SNTG1: variants seen among roughly 807,000 people sequenced by gnomAD.
The protein encoded by SNTG1 is syntrophin gamma 1.
In SNTG1, 39 loss-of-function variants were observed where a neutral mutation model predicts 74.7. That is an observed-to-expected ratio of 0.52 (90% CI 0.40 to 0.68). SNTG1 has a LOEUF of 0.68. Among genes scored for constraint, SNTG1 ranks in the 30% least tolerant of loss-of-function variants. SNTG1 has a pLI of 0.00. For synonymous variants in SNTG1, 254 were observed against 217.1 expected, an observed-to-expected ratio of 1.17 and a Z score of -1.49; for missense variants, 685 against 609.5, an observed-to-expected ratio of 1.12 and a Z score of -1.30.
At chr8:50,029,892 G>T (rs956600288) in intron 1 of SNTG1, among the ~76,000 whole-genome samples, 1 of 151,984 alleles carries the variant, frequency 6.6e-6, no homozygotes, top group Non-Finnish European at 1.5e-5. Flanking sequence ...TCATATGGTA[G>T]TTCTATGTTC....
At chr8:50,115,576 A>AAAAAAAAAAAAAAAAAAAAAAAAAAAC (rs1482375164) in intron 1 of SNTG1, among the ~76,000 whole-genome samples, 13 of 82,902 alleles carry the variant, frequency 1.6e-4, no homozygotes, top group Non-Finnish European at 2.4e-4. Flanking sequence ...TCAAAAAAAA[A>AAAAAAAAAAAAAAAAAAAAAAAAAAAC]AAAAAAAAAA....
intron 2 of SNTG1, among the ~76,000 whole-genome samples, chr8:50,349,698 G>T (rs1272045813): frequency 2.0e-5 from 3 of 152,130 alleles, no homozygotes; most frequent in Non-Finnish European, 4.4e-5. Context: ...TGATGCTATG[G>T]GATTCTTTCA....
chr8:50,193,118 CT>C (rs1468519620), intron 2 of SNTG1, among the ~76,000 whole-genome samples: 1 of 151,832 alleles, frequency 6.6e-6, no homozygotes, highest in Non-Finnish European at 1.5e-5. Context: ...GCTTAGTCTG[CT>C]TTGGCTGTGT....
At chr8:50,455,920 A>G (rs935320671) in intron 8 of SNTG1, among the ~76,000 whole-genome samples, 2 of 152,154 alleles carry the variant, frequency 1.3e-5, no homozygotes, top group Non-Finnish European at 2.9e-5. Context: ...AAGAATTCTA[A>G]CCATACTGGA....
intron 2 of SNTG1, among the ~76,000 whole-genome samples, chr8:50,389,787 A>G (rs2092628714): frequency 6.6e-6 from 1 of 152,164 alleles, no homozygotes; most frequent in Non-Finnish European, 1.5e-5. Flanking sequence ...TAACTGGTTC[A>G]AGATGATATC....
chr8:50,413,174 A>G (rs1255637754), intron 4 of SNTG1, among the ~76,000 whole-genome samples: 1 of 152,220 alleles, frequency 6.6e-6, no homozygotes, highest in Non-Finnish European at 1.5e-5. Flanking sequence ...ATAACATTAA[A>G]TGTGAGTGTA....
chr8:50,370,864 G>T (rs1029289793), intron 2 of SNTG1, among the ~76,000 whole-genome samples: 1 of 152,100 alleles, frequency 6.6e-6, no homozygotes, highest in Admixed American at 6.5e-5. Context: ...TGGATACTAA[G>T]AGTATGGATT....
chr8:50,790,188 C>A (rs1456288826), intron 18 of SNTG1, among the ~76,000 whole-genome samples: 1 of 151,814 alleles, frequency 6.6e-6, no homozygotes, highest in African/African-American at 2.4e-5. Context: ...TTATTTCTGC[C>A]CTTAGTCACA....
In SNTG1 at chr8:50,556,740, T is replaced by C. The variant is rs112983558; in HGVS notation, c.810+3561T>C. Among the ~76,000 whole-genome samples, 825 of 152,294 alleles carry C rather than the reference T, an allele frequency of 5.4e-3. 7 individuals carry two copies. The highest frequency in any genetic ancestry group is 0.019 in the African/African-American group (770 of 41,566). Reference sequence around the variant, plus strand: ...GATGGGTAGGTTAGTAAGATGCACCTCCGTGATGTTCACTTCCTGGCATTT... The same window carrying C: ...GATGGGTAGGTTAGTAAGATGCACCCCCGTGATGTTCACTTCCTGGCATTT... On this transcript the variant is annotated intron_variant, in intron 12 of 18. Coordinates refer to ENST00000642720, the MANE Select transcript of SNTG1 (RefSeq NM_018967.5).
At chr8:50,701,161 T>C (rs1261869908) in intron 15 of SNTG1, among the ~76,000 whole-genome samples, 2 of 152,208 alleles carry the variant, frequency 1.3e-5, no homozygotes, top group Non-Finnish European at 2.9e-5. Context: ...AAGGGCAATT[T>C]AATAAACCAT....
intron 17 of SNTG1, among the ~76,000 whole-genome samples, chr8:50,749,619 A>G (rs2095562707): frequency 6.6e-6 from 1 of 152,008 alleles, no homozygotes; most frequent in South Asian, 2.1e-4. Flanking sequence ...GCTCGTGACT[A>G]AAGTATAGCC....
At chr8:49,909,895 G>T (rs963069185), upstream of SNTG1, 3 of 152,272 alleles carry the variant, frequency 2.0e-5, no homozygotes, top group South Asian at 2.1e-4. Context: ...CCAAAGTCTG[G>T]CCTTTTCCTG....
At chr8:50,348,898 A>G (rs2091562902) in intron 2 of SNTG1, among the ~76,000 whole-genome samples, 1 of 152,206 alleles carries the variant, frequency 6.6e-6, no homozygotes, top group Non-Finnish European at 1.5e-5. Flanking sequence ...GGACTTTGTA[A>G]GAAGACATTT....
At chr8:50,531,557 C>A (rs2094268142) in intron 10 of SNTG1, among the ~76,000 whole-genome samples, 1 of 152,122 alleles carries the variant, frequency 6.6e-6, no homozygotes, top group African/African-American at 2.4e-5. Flanking sequence ...TTCTGTTTTC[C>A]TTCACCGCGC....
At chr8:50,326,023 A>G (rs2090733031) in intron 2 of SNTG1, among the ~76,000 whole-genome samples, 1 of 152,042 alleles carries the variant, frequency 6.6e-6, no homozygotes, top group Non-Finnish European at 1.5e-5. Flanking sequence ...AATATGATAA[A>G]TTACAATAAT....
intron 15 of SNTG1, among the ~76,000 whole-genome samples, chr8:50,673,648 C>G (rs977892991): frequency 6.6e-6 from 1 of 152,108 alleles, no homozygotes; most frequent in African/African-American, 2.4e-5. Context: ...TGCCTCTCTT[C>G]CTATCTGAAT....
chr8:50,523,381 G>A (rs1356549839), intron 9 of SNTG1, among the ~76,000 whole-genome samples: 3 of 152,282 alleles, frequency 2.0e-5, no homozygotes, highest in Middle Eastern at 6.8e-3. Flanking sequence ...GCTTATCTTG[G>A]CTTTCAATAT....
chr8:50,678,516 T>C (rs1203206134), intron 15 of SNTG1, among the ~76,000 whole-genome samples: 1 of 152,142 alleles, frequency 6.6e-6, no homozygotes, highest in Non-Finnish European at 1.5e-5. Context: ...GAAATGGATT[T>C]GGAGCAAGTC....
At chr8:50,461,248 G>A (rs970310768) in intron 8 of SNTG1, among the ~76,000 whole-genome samples, 16 of 150,742 alleles carry the variant, frequency 1.1e-4, no homozygotes, top group African/African-American at 3.7e-4. Flanking sequence ...AGACCACGGA[G>A]TGAAATTGCC....
Sources: allele counts gnomAD v4.1 joint callset (sites outside exome capture counted in the v4.1 genomes callset), GRCh38; gene constraint gnomAD v4.1.1; transcripts MANE v1.5; gene names NCBI Gene and HGNC (gene_info 2026-07-23, HGNC 2026-07-21).